Variants in ZNF37A observed in about 807,000 individuals in gnomAD.
ZNF37A encodes zinc finger protein 37A, also known as zinc finger protein 37a (KOX 21).
In ZNF37A, 10 loss-of-function variants were observed where a neutral mutation model predicts 12.3. The observed-to-expected ratio is 0.82, with a 90% confidence interval of 0.50 to 1.38. The LOEUF is 1.38. Among genes scored for constraint, ZNF37A ranks in the 40% most tolerant of loss-of-function variants. The pLI, the probability that ZNF37A is intolerant of heterozygous loss-of-function variation, is 0.00. For missense variants in ZNF37A, 580 were observed against 651.2 expected, an observed-to-expected ratio of 0.89 and a Z score of 1.19; for synonymous variants, 207 against 223.0, an observed-to-expected ratio of 0.93 and a Z score of 0.64.
rs1214616350 is a variant in ZNF37A at position 38,124,274 on chromosome 10, A to C, written c.*5437A>C. 1.3e-5 allele frequency: 2 copies of C among 152,170 alleles called. No individual in the cohort carries two copies. The allele number at this position is 152,170 out of a possible 1,614,324, so 9.4% of individuals were successfully genotyped here. On this transcript the variant is annotated 3_prime_UTR_variant, in exon 8 of 8. Coordinates refer to ENST00000685332, the MANE Select transcript of ZNF37A (RefSeq NM_001324250.3). ...ACGTATTTGTTGGAGCTAAAGATGA[A>C]AACAACTGAACTTATAGAGGGTAGA... is the stretch of plus-strand genomic sequence containing the variant.
chr10:38,110,583 C>T (rs566301917), intron 5 of ZNF37A, among the ~76,000 whole-genome samples: 3 of 152,164 alleles, frequency 2.0e-5, no homozygotes, highest in Admixed American at 6.5e-5. Context: ...TGCAATCTAT[C>T]CATCTGACAT....
chr10:38,111,579 G>C (rs2068660328), intron 5 of ZNF37A, among the ~76,000 whole-genome samples: 1 of 151,558 alleles, frequency 6.6e-6, no homozygotes, highest in African/African-American at 2.4e-5. Flanking sequence ...ATTATTTGAA[G>C]AAATTTATCC....
chr10:38,126,171 G>T (rs986778224), downstream of ZNF37A, among the ~76,000 whole-genome samples: 3 of 152,200 alleles, frequency 2.0e-5, no homozygotes, highest in Admixed American at 2.0e-4. Flanking sequence ...TTTAACATTT[G>T]TCATCTGAGT....
chr10:38,108,276 G>A (rs1211774031), intron 5 of ZNF37A, among the ~76,000 whole-genome samples: 1 of 152,094 alleles, frequency 6.6e-6, no homozygotes, highest in Admixed American at 6.6e-5. Flanking sequence ...AATTAAGGCA[G>A]AAATAAAAAG....
At chr10:38,126,138 T>G (rs1182671663), downstream of ZNF37A, among the ~76,000 whole-genome samples, 4 of 152,196 alleles carry the variant, frequency 2.6e-5, no homozygotes, top group Admixed American at 1.3e-4. Context: ...AGGATTGACC[T>G]CCCAGTCTTA....
exon 8 of ZNF37A, chr10:38,148,671 T>C (rs1196277324): frequency 6.6e-6 from 1 of 152,204 alleles, no homozygotes; most frequent in Non-Finnish European, 1.5e-5. Context: ...CCGCCTTTGA[T>C]CCCAGAGGCT....
intron 7 of ZNF37A, chr10:38,138,990 A>G (rs1224810221): frequency 6.6e-6 from 1 of 152,106 alleles, no homozygotes; most frequent in Non-Finnish European, 1.5e-5. Flanking sequence ...TCTTTTTTAT[A>G]GCATCATTTT....
At chr10:38,096,499 A>G in intron 4 of ZNF37A, 75 bp from the exon 5 acceptor site, 4 of 957,382 alleles carry the variant, frequency 4.2e-6, no homozygotes, top group Non-Finnish European at 6.5e-6. Context: ...TCTCCCTTTC[A>G]GAGATGTTTT....
In ZNF37A at chr10:38,123,135, G is replaced by C. The variant is rs181328149; in HGVS notation, c.*4298G>C. 1.3e-5 allele frequency: 2 copies of C among 152,110 alleles called. No individual in the cohort carries two copies. Among genetic ancestry groups the C allele is most frequent in the African/African-American group, 4.8e-5 (2 of 41,400 alleles). 9.4% of individuals were successfully genotyped at this position (152,110 alleles called of 1,614,324 possible). On this transcript the variant is annotated 3_prime_UTR_variant, in exon 8 of 8. Transcript: ENST00000685332. ...ACATGGCAGGTGCAGGGCAAAGAGA[G>C]GGGGGAAGGGAAGTGCCACACAACC...
downstream of ZNF37A, among the ~76,000 whole-genome samples, chr10:38,127,205 G>A (rs1453996076): frequency 6.6e-6 from 1 of 152,172 alleles, no homozygotes; most frequent in Admixed American, 6.5e-5. Flanking sequence ...TACCTAGTGA[G>A]ATTTGTAGTT....
chr10:38,141,032 G>C (rs2070174783), intron 7 of ZNF37A: 1 of 152,168 alleles, frequency 6.6e-6, no homozygotes, highest in African/African-American at 2.4e-5. Flanking sequence ...AGTGATAGTG[G>C]CTGTTGGCAA....
At chr10:38,141,170 A>G (rs2070176931) in intron 7 of ZNF37A, 1 of 152,176 alleles carries the variant, frequency 6.6e-6, no homozygotes, top group Non-Finnish European at 1.5e-5. Flanking sequence ...ACTCACAAAT[A>G]TATTGTTATT....
chr10:38,127,156 A>G (rs186459281), downstream of ZNF37A, among the ~76,000 whole-genome samples: 2 of 152,300 alleles, frequency 1.3e-5, no homozygotes, highest in African/African-American at 4.8e-5. Context: ...GGAAAGGCTG[A>G]TATGTTCACC....
chr10:38,139,521 C>T (rs946098759), intron 7 of ZNF37A: 5 of 152,232 alleles, frequency 3.3e-5, no homozygotes, highest in African/African-American at 9.7e-5. Flanking sequence ...GAACGTGCCA[C>T]CATGCCCAGC....
chr10:38,096,528 C>T, intron 4 of ZNF37A, 46 bp from the exon 5 acceptor site: 1 of 1,431,710 alleles, frequency 7.0e-7, no homozygotes, highest in Non-Finnish European at 9.6e-7. Context: ...CGAAGTGGAC[C>T]TTTTAAGGCA....
In ZNF37A at chr10:38,118,537, AG is replaced by A; in HGVS notation, c.1390del (p.Glu464ArgfsTer19). The A allele has an allele frequency of 6.2e-7, 1 of 1,614,006 alleles. No homozygotes were observed. The highest frequency in any genetic ancestry group is 2.2e-5 in the East Asian group (1 of 44,860). ...TCACAGAACATCTGAGAAGACACAC[AG>A]GGGAGAAACCTTTTGGATGTAATGA... ...GFTEHLRRHTGEKPFGCNECG... is the reference protein window; with the variant it reads ...GFTEHLRRHTXEKPFGCNECG... On this transcript the variant is annotated frameshift_variant, in exon 8 of 8. Transcript: ENST00000685332. LOFTEE classifies it low-confidence loss of function (END_TRUNC).
In ZNF37A at chr10:38,111,941, C is replaced by G. The variant is rs376385529; in HGVS notation, c.16-2814C>G. Among the ~76,000 whole-genome samples the G allele has an allele frequency of 2.9e-4, 43 of 149,436 alleles. No individual in the cohort carries two copies. The East Asian group carries it at 8.1e-3, about 28-fold the overall frequency. Reference sequence around the variant, plus strand: ...TTTTTTTTTTTTTGAGACGGAGTCTCACTTTGCCACCCAGGCTAGAGTGCA... The same window carrying G: ...TTTTTTTTTTTTTGAGACGGAGTCTGACTTTGCCACCCAGGCTAGAGTGCA... On this transcript the variant is annotated intron_variant, in intron 5 of 7. Coordinates refer to ENST00000685332, the MANE Select transcript of ZNF37A (RefSeq NM_001324250.3).
intron 7 of ZNF37A, chr10:38,115,522 A>G (rs1273608612): frequency 4.8e-6 from 2 of 413,818 alleles, no homozygotes; most frequent in Non-Finnish European, 4.2e-6. Flanking sequence ...GATATAAACT[A>G]TATAGTTTAG....
At position 38,117,198 on chromosome 10, in the gene ZNF37A, AC is replaced by A. The variant is rs1043507160; in HGVS notation, c.239-191del. On this transcript the variant is annotated intron_variant, in intron 7 of 7. Transcript: ENST00000685332. The stretch of plus-strand genomic sequence containing the variant: ...CTGGATTATAGGACTATGAATTAGA[AC>A]TTTTAGAAATTTAATTTGTTGCTGC... 3.0e-6 allele frequency: 3 copies of A among 985,016 alleles called. No homozygotes were observed. In the African/African-American group the frequency reaches 5.2e-5, roughly 17 times the overall value. The allele number at this position is 985,016 out of a possible 1,614,324, so 61.0% of individuals were successfully genotyped here. A position where few individuals can be genotyped will look rare whatever the true frequency, so the allele number is the denominator to read the frequency against.
Sources: allele counts gnomAD v4.1 joint callset (sites outside exome capture counted in the v4.1 genomes callset), GRCh38; gene constraint gnomAD v4.1.1; transcripts MANE v1.5; gene names NCBI Gene and HGNC (gene_info 2026-07-23, HGNC 2026-07-21).